Variants in ITGAV observed in about 807,000 individuals in gnomAD.
The protein encoded by ITGAV is integrin subunit alpha V.
A neutral mutation model predicts 143.8 loss-of-function variants in ITGAV; 76 were observed. The ratio of observed to expected loss-of-function variants is 0.53; its 90% confidence interval spans 0.44 to 0.64. The LOEUF (loss-of-function observed/expected upper bound fraction) is 0.64, where lower values mean the gene tolerates loss of function less well. Among genes scored for constraint, ITGAV ranks in the 30% least tolerant of loss-of-function variants. ITGAV has a pLI of 0.00. For synonymous variants in ITGAV, 453 were observed against 446.7 expected, an observed-to-expected ratio of 1.01 and a Z score of -0.18; for missense variants, 1,193 against 1,274.7, an observed-to-expected ratio of 0.94 and a Z score of 0.98.
chr2:186,599,272 T>A (rs1424356246), intron 1 of ITGAV, among the ~76,000 whole-genome samples: 1 of 152,152 alleles, frequency 6.6e-6, no homozygotes, highest in African/African-American at 2.4e-5. Context: ...TTTTTTACTT[T>A]ATCTTCTTTC....
chr2:186,653,840 A>G (rs1688509020), intron 15 of ITGAV, among the ~76,000 whole-genome samples: 2 of 152,360 alleles, frequency 1.3e-5, no homozygotes, highest in Admixed American at 1.3e-4. Flanking sequence ...AATTAAATCA[A>G]GCATTTCAGA....
At chr2:186,671,219 T>A (rs1689052479) in intron 26 of ITGAV, among the ~76,000 whole-genome samples, 1 of 152,160 alleles carries the variant, frequency 6.6e-6, no homozygotes, top group African/African-American at 2.4e-5. Flanking sequence ...TAGGTCAGGT[T>A]GTGTCACTCC....
chr2:186,657,440 A>T (rs1237355188), intron 17 of ITGAV, among the ~76,000 whole-genome samples: 2 of 152,216 alleles, frequency 1.3e-5, no homozygotes, highest in Non-Finnish European at 2.9e-5. Flanking sequence ...GAAATCCATA[A>T]CAAAAAGATC....
chr2:186,635,132 G>A (rs1338210061), intron 6 of ITGAV, among the ~76,000 whole-genome samples: 1 of 152,100 alleles, frequency 6.6e-6, no homozygotes, highest in Non-Finnish European at 1.5e-5. Context: ...CAAGTTGTCT[G>A]TAATATATAG....
intron 2 of ITGAV, among the ~76,000 whole-genome samples, chr2:186,610,494 T>C (rs1687187585): frequency 6.6e-6 from 1 of 152,248 alleles, no homozygotes; most frequent in South Asian, 2.1e-4. Context: ...TTTCTTATTT[T>C]ATATGTTTAT....
chr2:186,621,652 C>G (rs1687527333), intron 2 of ITGAV, among the ~76,000 whole-genome samples: 1 of 152,074 alleles, frequency 6.6e-6, no homozygotes, highest in South Asian at 2.1e-4. Context: ...ATGATATTGA[C>G]AATTTTGAGG....
At chr2:186,607,923 C>T (rs754465681) in intron 2 of ITGAV, among the ~76,000 whole-genome samples, 3 of 152,070 alleles carry the variant, frequency 2.0e-5, no homozygotes, top group Non-Finnish European at 4.4e-5. Flanking sequence ...CTTTGGGGTT[C>T]CTTGAGTATA....
intron 12 of ITGAV, 147 bp downstream of exon 12, chr2:186,641,735 A>G: frequency 3.2e-6 from 2 of 624,734 alleles, no homozygotes; most frequent in Non-Finnish European, 5.7e-6. Flanking sequence ...ACCAAATTTA[A>G]AGACAGTTTG....
chr2:186,645,910 T>TG, intron 12 of ITGAV, among the ~76,000 whole-genome samples: 1 of 152,050 alleles, frequency 6.6e-6, no homozygotes, highest in Non-Finnish European at 1.5e-5. Flanking sequence ...AGGTGGAGCT[T>TG]GCAGTGAGCC....
Position 186,675,633 on chromosome 2 carries a change from T to G in ITGAV, c.2736T>G (p.Ile912Met), listed in dbSNP as rs138043193. The G allele has an allele frequency of 5.0e-6, 8 of 1,614,062 alleles. No homozygotes were observed. The highest frequency in any genetic ancestry group is 6.8e-6 in the Non-Finnish European group (8 of 1,179,914). The change falls in exon 27 of 30, where the codon ATT becomes ATG. Residue 912 changes from isoleucine (I) to methionine (M), a missense_variant. Coordinates refer to ENST00000261023, the MANE Select transcript of ITGAV (RefSeq NM_002210.5). Reference protein sequence around the residue: ...LGCGVAQCLKIVCQVGRLDRG... With the variant: ...LGCGVAQCLKMVCQVGRLDRG... ...GTGGAGTTGCTCAGTGCTTGAAGAT[T>G]GTCTGCCAAGTTGGGAGATTAGACA...
intron 12 of ITGAV, among the ~76,000 whole-genome samples, chr2:186,643,363 A>G (rs915874210): frequency 6.6e-6 from 1 of 152,230 alleles, no homozygotes; most frequent in East Asian, 1.9e-4. Flanking sequence ...TGGTCTCCCA[A>G]GGTTTCTCCT....
intron 26 of ITGAV, among the ~76,000 whole-genome samples, chr2:186,673,890 G>A (rs941820577): frequency 1.3e-5 from 2 of 151,960 alleles, no homozygotes; most frequent in African/African-American, 2.4e-5. Context: ...GTCTGGTCTC[G>A]AACTCCTGAC....
At chr2:186,642,275 G>A (rs1292468343) in intron 12 of ITGAV, among the ~76,000 whole-genome samples, 1 of 151,890 alleles carries the variant, frequency 6.6e-6, no homozygotes, top group African/African-American at 2.4e-5. Context: ...ATCACAGAAT[G>A]GATAGTTGAA....
intron 1 of ITGAV, among the ~76,000 whole-genome samples, chr2:186,592,539 G>A (rs1216302326): frequency 6.6e-6 from 1 of 150,604 alleles, no homozygotes; most frequent in East Asian, 1.9e-4. Flanking sequence ...TCTGAGTTTA[G>A]TGTAAGATAA....
chr2:186,628,373 C>T (rs925833511), intron 4 of ITGAV, among the ~76,000 whole-genome samples: 1 of 152,018 alleles, frequency 6.6e-6, no homozygotes, highest in African/African-American at 2.4e-5. Flanking sequence ...TTTAACCTGA[C>T]TTATATGGAC....
At chr2:186,668,964 T>G in intron 25 of ITGAV, 44 bp downstream of exon 25, 1 of 1,464,346 alleles carries the variant, frequency 6.8e-7, no homozygotes, top group Non-Finnish European at 9.3e-7. Context: ...GATATTTCAT[T>G]GCCTTCTTTC....
At chr2:186,618,117 G>T (rs957944758) in intron 2 of ITGAV, among the ~76,000 whole-genome samples, 2 of 152,144 alleles carry the variant, frequency 1.3e-5, no homozygotes. Flanking sequence ...TCTTCACCCA[G>T]TCTATTTACA....
At chr2:186,646,898 A>G in intron 13 of ITGAV, 21 bp downstream of exon 13, 1 of 1,512,268 alleles carries the variant, frequency 6.6e-7, no homozygotes. Flanking sequence ...ATCAACACAT[A>G]GAGCCCTTAG....
In ITGAV at chr2:186,678,912, A is replaced by C. The variant is rs1689284185; in HGVS notation, c.*1620A>C. Reference sequence around the variant, plus strand: ...ATTTCATGCACAAGTTGACTGAGCTAATCTTGAGAATATATTCGTAAAATA... The same window carrying C: ...ATTTCATGCACAAGTTGACTGAGCTCATCTTGAGAATATATTCGTAAAATA... On this transcript the variant is annotated 3_prime_UTR_variant, in exon 30 of 30. Coordinates refer to ENST00000261023, the MANE Select transcript of ITGAV (RefSeq NM_002210.5). The C allele has an allele frequency of 2.8e-5, 10 of 363,438 alleles. No homozygotes were observed. Among genetic ancestry groups the C allele is most frequent in the South Asian group, 2.2e-4 (10 of 46,304 alleles). The allele number at this position is 363,438 out of a possible 1,614,324, so 22.5% of individuals were successfully genotyped here. A position where few individuals can be genotyped will look rare whatever the true frequency, so the allele number is the denominator to read the frequency against.
Sources: gnomAD v4.1 joint callset for allele counts (sites outside exome capture counted in the v4.1 genomes callset) on GRCh38, gnomAD v4.1.1 for gene constraint, MANE v1.5 for transcripts, NCBI Gene and HGNC (gene_info 2026-07-23, HGNC 2026-07-21) for gene names.